Variants in STARD3NL observed in about 807,000 individuals in gnomAD.
STARD3NL encodes STARD3 N-terminal-like protein.
Under a neutral mutation model 30.9 loss-of-function variants are expected in STARD3NL, and 17 were observed. The observed-to-expected ratio is 0.55, with a 90% CI of 0.38 to 0.82. The LOEUF (loss-of-function observed/expected upper bound fraction) is 0.82, where lower values mean the gene tolerates loss of function less well. Ranked by LOEUF, STARD3NL falls within the 40% of genes least tolerant of loss-of-function variation. The pLI is 0.00. For synonymous variants in STARD3NL, 112 were observed against 100.5 expected (o/e 1.11, Z -0.69); for missense variants, 234 against 277.6 (o/e 0.84, Z 1.12).
chr7:38,221,758 G>A (rs953180690), intron 7 of STARD3NL, among the ~76,000 whole-genome samples: 2 of 152,234 alleles, frequency 1.3e-5, no homozygotes, highest in African/African-American at 4.8e-5. Context: ...AAGTGCCCCT[G>A]TGGGCACTGT....
At chr7:38,217,164 C>T (rs369833720) in intron 5 of STARD3NL, 24 bp from the exon 6 acceptor site, 1 of 1,613,694 alleles carries the variant, frequency 6.2e-7, no homozygotes, top group African/African-American at 1.3e-5. Context: ...AACTGCATTT[C>T]CCTTTCCTGG....
intron 7 of STARD3NL, among the ~76,000 whole-genome samples, chr7:38,227,585 G>A (rs1786843981): frequency 6.6e-6 from 1 of 152,116 alleles, no homozygotes; most frequent in South Asian, 2.1e-4. Flanking sequence ...AGGTTCAGGC[G>A]TAGTTGAGAG....
At chr7:38,196,486 C>G (rs1784902219) in intron 1 of STARD3NL, among the ~76,000 whole-genome samples, 1 of 151,792 alleles carries the variant, frequency 6.6e-6, no homozygotes, top group South Asian at 2.1e-4. Flanking sequence ...AAAATTATTC[C>G]CCATTGTAGA....
At chr7:38,218,369 A>G (rs1368304304) in intron 6 of STARD3NL, among the ~76,000 whole-genome samples, 1 of 152,258 alleles carries the variant, frequency 6.6e-6, no homozygotes, top group Non-Finnish European at 1.5e-5. Flanking sequence ...TCAAGAGTAG[A>G]TTTTAAAAAC....
chr7:38,229,717 C>T (rs183949970), intron 8 of STARD3NL, among the ~76,000 whole-genome samples: 4 of 152,228 alleles, frequency 2.6e-5, no homozygotes, highest in South Asian at 2.1e-4. Context: ...CATGTAGACG[C>T]GAAGCAAAAA....
At chr7:38,204,381 G>C (rs957033515) in intron 1 of STARD3NL, among the ~76,000 whole-genome samples, 2 of 152,176 alleles carry the variant, frequency 1.3e-5, no homozygotes, top group Non-Finnish European at 2.9e-5. Context: ...GCTCCTGAAT[G>C]ACTACTGGGT....
intron 7 of STARD3NL, among the ~76,000 whole-genome samples, chr7:38,220,003 T>A (rs1430038170): frequency 6.6e-6 from 1 of 152,202 alleles, no homozygotes; most frequent in Non-Finnish European, 1.5e-5. Flanking sequence ...GGCAGCACTG[T>A]CCAGCCAGTT....
At chr7:38,212,627 G>A (rs750711106) in intron 2 of STARD3NL, among the ~76,000 whole-genome samples, 56 of 152,286 alleles carry the variant, frequency 3.7e-4, no homozygotes, top group Non-Finnish European at 7.2e-4. Context: ...GATCATTGTG[G>A]CAGTGGTGAG....
intron 6 of STARD3NL, among the ~76,000 whole-genome samples, chr7:38,218,765 A>T (rs191021371): frequency 1.3e-5 from 2 of 152,196 alleles, no homozygotes; most frequent in African/African-American, 4.8e-5. Flanking sequence ...TGCGTGTGTT[A>T]GTGTTCCTCA....
intron 1 of STARD3NL, among the ~76,000 whole-genome samples, chr7:38,192,041 A>T (rs1031007542): frequency 6.6e-6 from 1 of 152,228 alleles, no homozygotes; most frequent in Non-Finnish European, 1.5e-5. Flanking sequence ...ATTTATTTTC[A>T]ACTACTTCCA....
intron 1 of STARD3NL, among the ~76,000 whole-genome samples, chr7:38,196,678 G>A (rs1184360467): frequency 6.6e-6 from 1 of 152,162 alleles, no homozygotes; most frequent in Non-Finnish European, 1.5e-5. Context: ...AACTGGCCGA[G>A]TGAGTTTATT....
intron 1 of STARD3NL, among the ~76,000 whole-genome samples, chr7:38,187,868 C>G (rs1347677569): frequency 6.6e-6 from 1 of 152,150 alleles, no homozygotes; most frequent in African/African-American, 2.4e-5. Context: ...ATCCATCCTT[C>G]CAGTTTCTCA....
chr7:38,178,454 G>A (rs973229075), intron 1 of STARD3NL, 34 bp downstream of exon 1: 2 of 152,358 alleles, frequency 1.3e-5, no homozygotes, highest in African/African-American at 2.4e-5. Flanking sequence ...TATTTGACAG[G>A]TTGGAAAACT....
chr7:38,203,446 C>G (rs1173312221), intron 1 of STARD3NL, among the ~76,000 whole-genome samples: 1 of 152,132 alleles, frequency 6.6e-6, no homozygotes, highest in Non-Finnish European at 1.5e-5. Context: ...TTTGTCACCA[C>G]CAGGCCTGCC....
At chr7:38,195,076 T>G (rs1784845501) in intron 1 of STARD3NL, among the ~76,000 whole-genome samples, 2 of 152,288 alleles carry the variant, frequency 1.3e-5, no homozygotes, top group South Asian at 4.1e-4. Flanking sequence ...TATATATATT[T>G]GGACTGAGTC....
intron 1 of STARD3NL, among the ~76,000 whole-genome samples, chr7:38,190,180 A>C (rs10951552): frequency 6.6e-6 from 1 of 152,002 alleles, no homozygotes. Flanking sequence ...CAGTGTGGCT[A>C]TTCTGGACAA....
chr7:38,227,320 G>A (rs1271523365), intron 7 of STARD3NL, among the ~76,000 whole-genome samples: 1 of 152,164 alleles, frequency 6.6e-6, no homozygotes, highest in Non-Finnish European at 1.5e-5. Context: ...AGTAAGGACA[G>A]GCAGTTCCCC....
intron 2 of STARD3NL, among the ~76,000 whole-genome samples, chr7:38,208,523 T>G (rs866661842): frequency 3.2e-4 from 48 of 152,310 alleles, no homozygotes; most frequent in African/African-American, 1.2e-3. Context: ...TTTAACCCAA[T>G]ATATGTGTTT....
chr7:38,210,447 C>T (rs1300454080), intron 2 of STARD3NL, among the ~76,000 whole-genome samples: 2 of 152,214 alleles, frequency 1.3e-5, no homozygotes. Context: ...GCCACAGGGA[C>T]CTGACTGGCA....
Sources: allele counts gnomAD v4.1 joint callset (sites outside exome capture counted in the v4.1 genomes callset), GRCh38; gene constraint gnomAD v4.1.1; transcripts MANE v1.5; gene names NCBI Gene and HGNC (gene_info 2026-07-23, HGNC 2026-07-21).